Variants in TAFA2 observed in about 807,000 individuals in gnomAD.
The protein encoded by TAFA2 is TAFA chemokine like family member 2.
Under a neutral mutation model 18.8 loss-of-function variants are expected in TAFA2, and 7 were observed. The observed-to-expected ratio is 0.37, with a 90% CI of 0.21 to 0.70. The LOEUF is 0.70. Among genes scored for constraint, TAFA2 ranks in the 30% least tolerant of loss-of-function variants. The pLI, the probability that TAFA2 is intolerant of heterozygous loss-of-function variation, is 0.53. For missense variants in TAFA2, 122 were observed against 158.1 expected (o/e 0.77, Z 1.23); for synonymous variants, 60 against 54.2 (o/e 1.11, Z -0.47).
At chr12:61,924,860 A>T (rs1392908298) in intron 1 of TAFA2, among the ~76,000 whole-genome samples, 1 of 152,226 alleles carries the variant, frequency 6.6e-6, no homozygotes, top group Non-Finnish European at 1.5e-5. Context: ...ATGCAAAGAC[A>T]CACATAGGCT....
intron 1 of TAFA2, among the ~76,000 whole-genome samples, chr12:62,098,946 C>G (rs1378228365): frequency 1.3e-5 from 2 of 152,064 alleles, no homozygotes; most frequent in Non-Finnish European, 2.9e-5. Context: ...ATTATATTTA[C>G]ACATTAAATG....
chr12:61,876,250 C>G (rs1165029964), intron 1 of TAFA2, among the ~76,000 whole-genome samples: 1 of 152,126 alleles, frequency 6.6e-6, no homozygotes, highest in Non-Finnish European at 1.5e-5. Context: ...TACCTGTTCT[C>G]TTGGGAAATG....
intron 4 of TAFA2, chr12:61,720,898 C>T (rs772416263): frequency 5.8e-6 from 3 of 517,464 alleles, no homozygotes; most frequent in South Asian, 2.8e-5. Context: ...CTTCTCCATT[C>T]GAACTTGAAG....
At chr12:62,074,333 G>A (rs2136808985) in intron 1 of TAFA2, among the ~76,000 whole-genome samples, 1 of 152,180 alleles carries the variant, frequency 6.6e-6, no homozygotes, top group South Asian at 2.1e-4. Context: ...ACTTAATTTT[G>A]CTTAATCTTG....
chr12:62,189,338 T>C (rs982219471), intron 1 of TAFA2, among the ~76,000 whole-genome samples: 10 of 152,166 alleles, frequency 6.6e-5, no homozygotes, highest in Non-Finnish European at 4.4e-5. Flanking sequence ...AACTTTTTTA[T>C]TGAAAATTAG....
In TAFA2 at chr12:61,709,180, A is replaced by C. The variant is rs1387827872; in HGVS notation, c.*1226T>G. ...ATTCTATAACTTAGAAAAAAAAAGTACATACATGTTTAAGGCCTTTAAATA... is the reference window on the plus strand; with the variant it reads ...ATTCTATAACTTAGAAAAAAAAAGTCCATACATGTTTAAGGCCTTTAAATA... On this transcript the variant is annotated 3_prime_UTR_variant, in exon 5 of 5. Coordinates refer to ENST00000416284, the MANE Select transcript of TAFA2 (RefSeq NM_178539.5). The C allele has an allele frequency of 1.3e-5, 2 of 152,604 alleles. No homozygotes were observed. The highest frequency in any genetic ancestry group is 2.9e-5 in the Non-Finnish European group (2 of 68,020). 9.5% of individuals were successfully genotyped at this position (152,604 alleles called of 1,614,324 possible).
At chr12:61,803,675 T>C (rs796889957) in intron 2 of TAFA2, among the ~76,000 whole-genome samples, 1 of 151,964 alleles carries the variant, frequency 6.6e-6, no homozygotes, top group African/African-American at 2.4e-5. Context: ...CTATAGTTCA[T>C]TGATTTATTT....
intron 1 of TAFA2, among the ~76,000 whole-genome samples, chr12:62,096,094 G>C (rs2136841323): frequency 6.6e-6 from 1 of 152,194 alleles, no homozygotes; most frequent in South Asian, 2.1e-4. Flanking sequence ...CCCATATTAA[G>C]ATGTGGAAAC....
intron 2 of TAFA2, among the ~76,000 whole-genome samples, chr12:61,791,326 C>T (rs1009505186): frequency 2.6e-5 from 4 of 151,622 alleles, no homozygotes; most frequent in Non-Finnish European, 5.9e-5. Flanking sequence ...CTAAAAAGCA[C>T]AGGCAACAAA....
At chr12:62,127,733 T>G (rs1479071902) in intron 1 of TAFA2, among the ~76,000 whole-genome samples, 2 of 152,010 alleles carry the variant, frequency 1.3e-5, no homozygotes, top group African/African-American at 4.8e-5. Context: ...TGCCACATTC[T>G]AGGTATGTTA....
intron 1 of TAFA2, chr12:62,198,379 G>A (rs2062657741): frequency 6.6e-6 from 1 of 152,204 alleles, no homozygotes; most frequent in Admixed American, 6.5e-5. Flanking sequence ...TTTGGATCTG[G>A]ATATGGAAAA....
In TAFA2 at chr12:62,185,201, G is replaced by A. The variant is rs536355097; in HGVS notation, c.-2+6058C>T. Among the ~76,000 whole-genome samples the A allele has an allele frequency of 3.3e-5, 5 of 152,268 alleles. No individual in the cohort carries two copies. In the South Asian group the frequency reaches 1.0e-3, roughly 32 times the overall value. ...AAAAACTGTCATATAACAGTCATTA[G>A]ATTTAGTCCAAGAACTAAACTTTTA... On this transcript the variant is annotated intron_variant, in intron 1 of 4. Transcript: ENST00000416284.
chr12:62,127,453 C>T (rs370283267), intron 1 of TAFA2, among the ~76,000 whole-genome samples: 5 of 151,948 alleles, frequency 3.3e-5, no homozygotes, highest in African/African-American at 1.2e-4. Flanking sequence ...TATTGAATTG[C>T]TATCTTTTTT....
chr12:62,166,870 G>A (rs755737386), intron 1 of TAFA2, among the ~76,000 whole-genome samples: 5 of 152,078 alleles, frequency 3.3e-5, no homozygotes, highest in Non-Finnish European at 7.4e-5. Flanking sequence ...CCTGATACAC[G>A]CCAGTGAAAT....
At chr12:62,052,812 A>C (rs1285909146) in intron 1 of TAFA2, among the ~76,000 whole-genome samples, 1 of 152,216 alleles carries the variant, frequency 6.6e-6, no homozygotes, top group Non-Finnish European at 1.5e-5. Flanking sequence ...GTATCCAAGC[A>C]CCGATATTTA....
At chr12:61,965,853 C>T (rs989536497) in intron 1 of TAFA2, among the ~76,000 whole-genome samples, 3 of 151,832 alleles carry the variant, frequency 2.0e-5, no homozygotes, top group Non-Finnish European at 2.9e-5. Flanking sequence ...ATCTCCTAAT[C>T]AGAAAATACA....
At chr12:61,885,143 A>G (rs1875318408) in intron 1 of TAFA2, among the ~76,000 whole-genome samples, 1 of 152,204 alleles carries the variant, frequency 6.6e-6, no homozygotes, top group Non-Finnish European at 1.5e-5. Context: ...ACTGAGGCTC[A>G]GAGGGATGAA....
At chr12:61,787,787 A>G (rs960238707) in intron 2 of TAFA2, among the ~76,000 whole-genome samples, 1 of 151,660 alleles carries the variant, frequency 6.6e-6, no homozygotes, top group African/African-American at 2.4e-5. Flanking sequence ...AGAGGAATAA[A>G]AGAACATGGG....
chr12:62,169,354 C>A (rs551142510), intron 1 of TAFA2, among the ~76,000 whole-genome samples: 20 of 152,110 alleles, frequency 1.3e-4, no homozygotes, highest in African/African-American at 9.7e-5. Context: ...AATACACCTA[C>A]GATGCCTCTC....
Sources: gnomAD v4.1 joint callset for allele counts (sites outside exome capture counted in the v4.1 genomes callset) on GRCh38, gnomAD v4.1.1 for gene constraint, MANE v1.5 for transcripts, NCBI Gene and HGNC (gene_info 2026-07-23, HGNC 2026-07-21) for gene names.